BACE2: variants seen among roughly 807,000 people sequenced by gnomAD.
The protein encoded by BACE2 is 56 kDa aspartic-like protease.
Under a neutral mutation model 46.2 loss-of-function variants are expected in BACE2, and 17 were observed. That is an observed-to-expected ratio of 0.37 (90% CI 0.25 to 0.55). The LOEUF is 0.55. Ranked by LOEUF, BACE2 falls within the 20% of genes least tolerant of loss-of-function variation. BACE2 has a pLI of 0.82. For synonymous variants in BACE2, 277 were observed against 295.9 expected (o/e 0.94, Z 0.66); for missense variants, 595 against 698.1 (o/e 0.85, Z 1.66).
At chr21:41,250,977 G>GC in intron 7 of BACE2, 76 bp downstream of exon 7, 1 of 1,355,340 alleles carries the variant, frequency 7.4e-7, no homozygotes, top group Non-Finnish European at 1.0e-6. Flanking sequence ...ACGTGTATTA[G>GC]ATGTCACACC....
At chr21:41,216,129 T>C (rs140394544) in intron 1 of BACE2, among the ~76,000 whole-genome samples, 1,630 of 152,060 alleles carry the variant, frequency 0.011, 17 homozygotes, top group Middle Eastern at 0.02. Context: ...TCTCTGTGGT[T>C]GAGGCTACTT....
intron 1 of BACE2, among the ~76,000 whole-genome samples, chr21:41,170,578 G>C (rs1456642801): frequency 1.3e-5 from 2 of 152,198 alleles, no homozygotes; most frequent in Admixed American, 6.5e-5. Context: ...ACCTGCCTGT[G>C]TTGCCCTGAA....
At chr21:41,180,739 T>C (rs985214295) in intron 1 of BACE2, 2 of 167,158 alleles carry the variant, frequency 1.2e-5, no homozygotes, top group African/African-American at 2.4e-5. Flanking sequence ...GTTATATCTA[T>C]GTAACTAGGT....
intron 2 of BACE2, among the ~76,000 whole-genome samples, chr21:41,235,314 A>G (rs1987085624): frequency 6.6e-6 from 1 of 152,198 alleles, no homozygotes; most frequent in Non-Finnish European, 1.5e-5. Context: ...TTGGCACATA[A>G]TAGCGCATCA....
In BACE2 at chr21:41,275,704, G is replaced by T. The variant is rs1315652302; in HGVS notation, c.*80G>T. ...TTCCAGGGCAGCAGCCGGGATCGAT[G>T]GTGGCGCTTTCTCCTGTGCCCACCC... On this transcript the variant is annotated 3_prime_UTR_variant, in exon 9 of 9. Transcript: ENST00000330333. 6 of 1,541,268 alleles carry T rather than the reference G, an allele frequency of 3.9e-6. No homozygotes were observed. The highest frequency in any genetic ancestry group is 3.6e-5 in the Admixed American group (2 of 56,044).
At chr21:41,169,088 A>C (rs962960825) in intron 1 of BACE2, among the ~76,000 whole-genome samples, 1 of 148,934 alleles carries the variant, frequency 6.7e-6, no homozygotes, top group African/African-American at 2.5e-5. Flanking sequence ...GGATTTATGC[A>C]TGAGCTCAGC....
At chr21:41,248,207 C>T (rs372303801) in intron 6 of BACE2, among the ~76,000 whole-genome samples, 28 of 152,114 alleles carry the variant, frequency 1.8e-4, no homozygotes, top group Non-Finnish European at 2.5e-4. Flanking sequence ...GAAATCCAGA[C>T]GCAAAATAAT....
intron 1 of BACE2, among the ~76,000 whole-genome samples, chr21:41,214,336 AC>A (rs1321987550): frequency 1.3e-5 from 2 of 152,208 alleles, no homozygotes; most frequent in Non-Finnish European, 1.5e-5. Context: ...CAGGAGGAAG[AC>A]GTCCACGTTC....
At chr21:41,188,205 T>C (rs1020660869) in intron 1 of BACE2, among the ~76,000 whole-genome samples, 4 of 152,202 alleles carry the variant, frequency 2.6e-5, no homozygotes, top group Non-Finnish European at 4.4e-5. Context: ...GGAATCACTC[T>C]GTGCCCAGCA....
chr21:41,187,531 C>T (rs561350435), intron 1 of BACE2, among the ~76,000 whole-genome samples: 135 of 152,340 alleles, frequency 8.9e-4, no homozygotes, highest in African/African-American at 3.1e-3. Context: ...GCCCAGGAAT[C>T]ACAAAACAGA....
At chr21:41,249,609 C>T (rs1193982245) in intron 6 of BACE2, among the ~76,000 whole-genome samples, 1 of 152,226 alleles carries the variant, frequency 6.6e-6, no homozygotes, top group Non-Finnish European at 1.5e-5. Context: ...TTCTGCAGCA[C>T]CCCCGACCAC....
intron 1 of BACE2, among the ~76,000 whole-genome samples, chr21:41,189,476 A>G (rs191892214): frequency 1.3e-5 from 2 of 152,290 alleles, no homozygotes; most frequent in South Asian, 2.1e-4. Flanking sequence ...TCCTGTTTCA[A>G]AGTTGCACAT....
intron 1 of BACE2, among the ~76,000 whole-genome samples, chr21:41,174,119 T>C (rs1984707810): frequency 6.8e-6 from 1 of 147,768 alleles, no homozygotes; most frequent in Non-Finnish European, 1.5e-5. Context: ...ATGATAAGGA[T>C]AGCTGTTGTG....
At chr21:41,214,487 A>G (rs1054811206) in intron 1 of BACE2, among the ~76,000 whole-genome samples, 13 of 152,216 alleles carry the variant, frequency 8.5e-5, no homozygotes, top group Admixed American at 5.9e-4. Flanking sequence ...GTCTATGCCA[A>G]AGACGAACAG....
intron 1 of BACE2, among the ~76,000 whole-genome samples, chr21:41,187,515 AT>A (rs2123507731): frequency 6.6e-6 from 1 of 152,342 alleles, no homozygotes; most frequent in East Asian, 1.9e-4. Flanking sequence ...TGAGAGCATT[AT>A]TTTGGCCCAG....
In BACE2 at chr21:41,224,209, A is replaced by ATTTTTTTTTTT. The variant is rs10658440; in HGVS notation, c.313-2044_313-2034dup. Among the ~76,000 whole-genome samples, 159 of 98,898 alleles carry ATTTTTTTTTTT rather than the reference A, an allele frequency of 1.6e-3. 7 individuals carry two copies. The highest frequency in any genetic ancestry group is 3.0e-3 in the African/African-American group (67 of 22,300). The allele number at this position is 98,898 out of a possible 152,430, so 64.9% of individuals were successfully genotyped here. On this transcript the variant is annotated intron_variant, in intron 1 of 8. Transcript: ENST00000330333. ...CCTAGGCAAAAACTTGCCTATTTTG[A>ATTTTTTTTTTT]TTTTTTTTTTTTTTTTTTTTTTTGA...
intron 7 of BACE2, among the ~76,000 whole-genome samples, chr21:41,256,325 G>C (rs898733566): frequency 6.6e-6 from 1 of 152,128 alleles, no homozygotes; most frequent in Non-Finnish European, 1.5e-5. Context: ...CCACTTATGA[G>C]TGAGAACATG....
At chr21:41,187,334 G>A (rs1985415264) in intron 1 of BACE2, among the ~76,000 whole-genome samples, 1 of 152,202 alleles carries the variant, frequency 6.6e-6, no homozygotes, top group Non-Finnish European at 1.5e-5. Flanking sequence ...AGAGTCACAG[G>A]TGCTTGCATT....
At chr21:41,202,510 G>A (rs866866866) in intron 1 of BACE2, among the ~76,000 whole-genome samples, 4 of 152,184 alleles carry the variant, frequency 2.6e-5, no homozygotes, top group Non-Finnish European at 4.4e-5. Flanking sequence ...CCAACTGGAC[G>A]TTTCCTGGGG....
Sources: gnomAD v4.1 joint callset for allele counts (sites outside exome capture counted in the v4.1 genomes callset) on GRCh38, gnomAD v4.1.1 for gene constraint, MANE v1.5 for transcripts, NCBI Gene and HGNC (gene_info 2026-07-23, HGNC 2026-07-21) for gene names.